Variants in ANGEL2 observed in about 807,000 individuals in gnomAD.
ANGEL2 encodes RNA 2',3'-cyclic phosphatase ANGEL2.
In ANGEL2, 41 loss-of-function variants were observed where a neutral mutation model predicts 66.0. The observed-to-expected ratio is 0.62, with a 90% CI of 0.48 to 0.81. ANGEL2 has a LOEUF of 0.81. Ranked by LOEUF, ANGEL2 falls within the 30% of genes least tolerant of loss-of-function variation. The pLI is 0.00. For missense variants in ANGEL2, 561 were observed against 641.6 expected (o/e 0.87, Z 1.36); for synonymous variants, 208 against 226.5 (o/e 0.92, Z 0.73).
At chr1:213,003,842 C>T (rs1327042175) in intron 5 of ANGEL2, among the ~76,000 whole-genome samples, 3 of 151,968 alleles carry the variant, frequency 2.0e-5, no homozygotes, top group East Asian at 1.9e-4. Flanking sequence ...GTTTGAAGCT[C>T]GATAAAGCAA....
At chr1:212,998,227 CAA>C (rs1553282338) in intron 7 of ANGEL2, among the ~76,000 whole-genome samples, 12 of 103,330 alleles carry the variant, frequency 1.2e-4, no homozygotes, top group African/African-American at 1.4e-4. Flanking sequence ...CTCATCTCTA[CAA>C]AAAAAAAAAA....
chr1:212,998,095 T>G (rs962610631), intron 7 of ANGEL2, among the ~76,000 whole-genome samples: 1 of 151,982 alleles, frequency 6.6e-6, no homozygotes, highest in African/African-American at 2.4e-5. Context: ...TTTATAATAT[T>G]AAACATAAAA....
rs191902583 is a variant in ANGEL2, at chr1:213,005,030, T to C, written c.1134+3A>G. 398 of 1,539,996 alleles carry C rather than the reference T, an allele frequency of 2.6e-4. 2 individuals are homozygous for C. In the African/African-American group the frequency reaches 2.6e-3, roughly 10 times the overall value. Reference sequence around the variant, plus strand: ...CCCTAATAACAATGAAGAAAGCACTTACCTTTCCTATGGGAAGTCCTTCAT... The same window carrying C: ...CCCTAATAACAATGAAGAAAGCACTCACCTTTCCTATGGGAAGTCCTTCAT... On this transcript the variant is annotated splice_donor_region_variant and intron_variant, in intron 5 of 8. Transcript: ENST00000366962.
intron 1 of ANGEL2, chr1:213,015,168 C>T: frequency 9.9e-7 from 1 of 1,010,592 alleles, no homozygotes; most frequent in Non-Finnish European, 1.2e-6. Context: ...AAAATCAAGC[C>T]CCTCCTGGGC....
At chr1:212,997,100 G>A (rs964082731) in intron 8 of ANGEL2, 55 bp downstream of exon 8, 7 of 1,477,032 alleles carry the variant, frequency 4.7e-6, no homozygotes, top group African/African-American at 4.2e-5. Context: ...CTTTAACCTT[G>A]AGGTTTTAGC....
At chr1:213,008,163 C>T (rs777769048) in intron 3 of ANGEL2, 47 bp downstream of exon 3, 2 of 1,585,778 alleles carry the variant, frequency 1.3e-6, no homozygotes, top group African/African-American at 1.4e-5. Flanking sequence ...TGTGCCCGGC[C>T]CCAACTTTTT....
intron 5 of ANGEL2, among the ~76,000 whole-genome samples, chr1:213,004,145 T>C (rs2076253710): frequency 6.6e-6 from 1 of 151,032 alleles, no homozygotes; most frequent in Non-Finnish European, 1.5e-5. Flanking sequence ...GAGGATGCAG[T>C]GAGCCGAGAT....
At chr1:212,996,645 ATAT>A in intron 8 of ANGEL2, among the ~76,000 whole-genome samples, 1 of 84,892 alleles carries the variant, frequency 1.2e-5, no homozygotes, top group Non-Finnish European at 2.4e-5. Context: ...AAAAAAATAT[ATAT>A]ATATATATAT....
intron 2 of ANGEL2, among the ~76,000 whole-genome samples, 169 bp downstream of exon 2, chr1:213,012,924 A>C (rs887633723): frequency 6.6e-6 from 1 of 152,270 alleles, no homozygotes; most frequent in African/African-American, 2.4e-5. Flanking sequence ...GATAAAAATA[A>C]AGACTTCATT....
chr1:213,008,328 AG>A lies in ANGEL2; in HGVS notation c.523del (p.Leu175PhefsTer31). ...GTTATCTTCCAGTAAATCTTGTGAA[AG>A]TATATTATAGGACATCACTGAAAAG... is the stretch of plus-strand genomic sequence containing the variant. ...FDFSVMSYNI[L>X]SQDLLEDNSH... is the part of the protein sequence containing the mutation. On this transcript the variant is annotated frameshift_variant, in exon 3 of 9. Coordinates refer to ENST00000366962, the MANE Select transcript of ANGEL2 (RefSeq NM_144567.5). LOFTEE classifies it high-confidence loss of function. 6.2e-7 allele frequency: 1 copy of A among 1,614,222 alleles called. No individual in the cohort carries two copies. The highest frequency in any genetic ancestry group is 1.1e-5 in the South Asian group (1 of 91,084).
chr1:213,008,536 T>C lies in ANGEL2; in HGVS notation c.386-70A>G. 8 of 1,517,008 alleles carry C rather than the reference T, an allele frequency of 5.3e-6. No individual in the cohort carries two copies. The South Asian group carries it at 1.0e-4, about 20-fold the overall frequency. The allele number at this position is 1,517,008 out of a possible 1,614,324, so 94.0% of individuals were successfully genotyped here. On this transcript the variant is annotated intron_variant, in intron 2 of 8. Coordinates refer to ENST00000366962, the MANE Select transcript of ANGEL2 (RefSeq NM_144567.5). ...GACCATACAGTTTCCCACATATATG[T>C]ATTTTTCAGCCTCTTAAAAATTCCC...
intron 8 of ANGEL2, among the ~76,000 whole-genome samples, chr1:212,996,638 AAAATATATAT>A (rs2076023218): frequency 1.3e-4 from 7 of 53,160 alleles, no homozygotes; most frequent in Non-Finnish European, 1.7e-4. Context: ...AAAAAAAAAA[AAAATATATAT>A]ATATATATAT....
At chr1:213,013,595 T>C (rs2076564130) in intron 1 of ANGEL2, among the ~76,000 whole-genome samples, 177 bp from the exon 2 acceptor site, 1 of 152,126 alleles carries the variant, frequency 6.6e-6, no homozygotes, top group African/African-American at 2.4e-5. Context: ...AATATCTCAA[T>C]ACTCTCGTCC....
rs2102680366 is a variant in ANGEL2, at chr1:212,993,984, G to C, written c.*1057C>G. 1 of 152,250 alleles carries C rather than the reference G, an allele frequency of 6.6e-6. No individual in the cohort carries two copies. Among genetic ancestry groups the C allele is most frequent in the East Asian group, 1.9e-4 (1 of 5,176 alleles). 9.4% of individuals were successfully genotyped at this position (152,250 alleles called of 1,614,324 possible). ...CCCCTAAACCAGAGATCTTAAAACTGAATTTTTAAAAAATGCTGCCATGTG... is the reference window on the plus strand; with the variant it reads ...CCCCTAAACCAGAGATCTTAAAACTCAATTTTTAAAAAATGCTGCCATGTG... On this transcript the variant is annotated 3_prime_UTR_variant, in exon 9 of 9. Transcript: ENST00000366962.
chr1:213,007,196 T>C lies in ANGEL2; in HGVS notation c.645A>G (p.Val215=). The change falls in exon 4 of 9, where the codon GTA becomes GTG. Residue 215 remains valine, a splice_region_variant and synonymous_variant. Coordinates refer to ENST00000366962, the MANE Select transcript of ANGEL2 (RefSeq NM_144567.5). ...CTTCTTGAACTTCTTGCAAACAAAG[T>C]ACCTTGGAAGAAAAAAATAGCTTGA... ...LKEIKHFDAD[V]LCLQEVQEDH... is the part of the protein sequence containing the mutation. 6.4e-7 allele frequency: 1 copy of C among 1,561,914 alleles called. No individual in the cohort carries two copies. The highest frequency in any genetic ancestry group is 8.6e-7 in the Non-Finnish European group (1 of 1,160,276).
rs186149279 is a variant in ANGEL2, at chr1:213,002,551, G to A, written c.1135-1639C>T. Among the ~76,000 whole-genome samples the A allele has an allele frequency of 2.3e-3, 356 of 152,264 alleles. 3 individuals are homozygous for A. The highest frequency in any genetic ancestry group is 2.5e-3 in the Non-Finnish European group (171 of 68,016). ...GAGTCAGCCTGTCCTTTGAAACCAG[G>A]CACTGACTTCTTCTTTCTAGTTATG... On this transcript the variant is annotated intron_variant, in intron 5 of 8. Transcript: ENST00000366962.
intron 8 of ANGEL2, among the ~76,000 whole-genome samples, chr1:212,996,038 T>A (rs2075986185): frequency 6.6e-6 from 1 of 152,248 alleles, no homozygotes; most frequent in Non-Finnish European, 1.5e-5. Context: ...CCGGGCACAG[T>A]GGCTCACGCC....
chr1:213,005,397 C>G lies in ANGEL2; in HGVS notation c.770G>C (p.Cys257Ser), dbSNP rs1446537945. The change falls in exon 5 of 9, where the codon TGC becomes TCC. Residue 257 changes from cysteine (C) to serine (S), a missense_variant. Transcript: ENST00000366962. ...TGRKPDGCAICFKHSKFSLLS... is the reference protein window; with the variant it reads ...TGRKPDGCAISFKHSKFSLLS... Reference sequence around the variant, plus strand: ...GAGTGAAAATTTGGAATGTTTGAAGCAAATAGCACAGCCATCAGGTTTCCT... The same window carrying G: ...GAGTGAAAATTTGGAATGTTTGAAGGAAATAGCACAGCCATCAGGTTTCCT... The G allele has an allele frequency of 6.2e-7, 1 of 1,613,812 alleles. No individual in the cohort carries two copies. The highest frequency in any genetic ancestry group is 8.5e-7 in the Non-Finnish European group (1 of 1,179,834).
chr1:213,013,251 A>T lies in ANGEL2; in HGVS notation c.227T>A (p.Leu76Gln), dbSNP rs1454990583. The T allele has an allele frequency of 6.2e-7, 1 of 1,614,154 alleles. No individual in the cohort carries two copies. Among genetic ancestry groups the T allele is most frequent in the Non-Finnish European group, 8.5e-7 (1 of 1,180,016 alleles). ...AAACAAACAGGGTGGTCTCCAATTT[A>T]GTGAAAAATGCCTACTACTGAAGTA... The part of the protein sequence containing the change: ...YPYFSSRHFS[L>Q]NWRPPCLFES... Residue 76 changes from leucine to glutamine, a missense_variant, in exon 2 of 9, where the codon CTA becomes CAA. By Grantham distance (113) the Leu-to-Gln change is moderately radical. Coordinates refer to ENST00000366962, the MANE Select transcript of ANGEL2 (RefSeq NM_144567.5).
Sources: allele counts gnomAD v4.1 joint callset (sites outside exome capture counted in the v4.1 genomes callset), GRCh38; gene constraint gnomAD v4.1.1; transcripts MANE v1.5; gene names NCBI Gene and HGNC (gene_info 2026-07-23, HGNC 2026-07-21).